Variants in JMY observed in about 807,000 individuals in gnomAD.
JMY encodes the protein junction-mediating and -regulatory protein.
Under a neutral mutation model 103.3 loss-of-function variants are expected in JMY, and 46 were observed. That is an observed-to-expected ratio of 0.45 (90% CI 0.35 to 0.57). The LOEUF (loss-of-function observed/expected upper bound fraction) is 0.57, where lower values mean the gene tolerates loss of function less well. JMY is among the 20% of genes least tolerant of loss of function. The pLI is 0.00. For synonymous variants in JMY, 526 were observed against 489.3 expected (o/e 1.07, Z -0.99); for missense variants, 1,238 against 1,255.2 (o/e 0.99, Z 0.21).
At chr5:79,281,163 G>C (rs1746096493) in intron 2 of JMY, among the ~76,000 whole-genome samples, 2 of 151,570 alleles carry the variant, frequency 1.3e-5, no homozygotes, top group Admixed American at 6.6e-5. Context: ...TCCTGCCTCA[G>C]CTTCCCGAGT....
intron 2 of JMY, among the ~76,000 whole-genome samples, chr5:79,278,523 A>G (rs1191558269): frequency 1.4e-5 from 2 of 145,826 alleles, no homozygotes; most frequent in African/African-American, 2.5e-5. Context: ...ATGCTGAGGC[A>G]AGAGGATCAC....
intron 2 of JMY, among the ~76,000 whole-genome samples, chr5:79,278,478 G>C (rs79601427): frequency 1.3e-5 from 2 of 150,604 alleles, no homozygotes; most frequent in Non-Finnish European, 2.9e-5. Context: ...CAGGCTGAGC[G>C]TGGTGCCTCA....
chr5:79,285,006 C>T (rs1460157733), intron 2 of JMY: 2 of 857,778 alleles, frequency 2.3e-6, no homozygotes, highest in East Asian at 5.3e-5. Context: ...TTTTTAAATC[C>T]AGTGTCTTTA....
intron 9 of JMY, 67 bp from the exon 10 acceptor site, chr5:79,315,933 G>A: frequency 7.2e-7 from 1 of 1,380,388 alleles, no homozygotes; most frequent in Non-Finnish European, 1.0e-6. Context: ...AACGGTAGAG[G>A]TTATACAGTT....
intron 1 of JMY, among the ~76,000 whole-genome samples, chr5:79,252,869 T>A (rs1745130680): frequency 6.6e-6 from 1 of 152,244 alleles, no homozygotes; most frequent in South Asian, 2.1e-4. Flanking sequence ...TGTTTTTTAA[T>A]CCATTCAGTC....
intron 2 of JMY, among the ~76,000 whole-genome samples, chr5:79,283,909 G>A (rs1211379152): frequency 6.6e-6 from 1 of 152,098 alleles, no homozygotes; most frequent in Non-Finnish European, 1.5e-5. Flanking sequence ...ATTGACTGCA[G>A]TATTAAATCT....
chr5:79,270,318 T>C lies in JMY; in HGVS notation c.1033-7592T>C, dbSNP rs548435021. 5.3e-3 allele frequency among the ~76,000 whole-genome samples: 760 copies of C among 144,172 alleles called. 10 individuals are homozygous for C. Among genetic ancestry groups the C allele is most frequent in the African/African-American group, 0.019 (724 of 39,078 alleles). 94.6% of individuals were successfully genotyped at this position (144,172 alleles called of 152,430 possible). A position where few individuals can be genotyped will look rare whatever the true frequency, so the allele number is the denominator to read the frequency against. On this transcript the variant is annotated intron_variant, in intron 1 of 10. Transcript: ENST00000396137. ...TATTTACATAAATATTTAAAATATA[T>C]ATTTACATAAATATTTAAAATATAT...
At chr5:79,242,992 G>C (rs1356977377) in intron 1 of JMY, among the ~76,000 whole-genome samples, 3 of 152,152 alleles carry the variant, frequency 2.0e-5, no homozygotes, top group Non-Finnish European at 4.4e-5. Context: ...ATTATGACAA[G>C]CATGAGGTAG....
intron 1 of JMY, among the ~76,000 whole-genome samples, chr5:79,275,657 C>T (rs1357825822): frequency 2.0e-5 from 3 of 152,092 alleles, no homozygotes; most frequent in African/African-American, 4.8e-5. Context: ...TTTTGCCCCA[C>T]GGTTTGTTGT....
At chr5:79,306,039 G>A (rs112855736) in intron 6 of JMY, among the ~76,000 whole-genome samples, 1,683 of 152,226 alleles carry the variant, frequency 0.011, 34 homozygotes, top group African/African-American at 0.038. Flanking sequence ...TCAGAAAAAA[G>A]TATAATGAGA....
At chr5:79,262,028 T>G (rs1745439312) in intron 1 of JMY, among the ~76,000 whole-genome samples, 1 of 152,222 alleles carries the variant, frequency 6.6e-6, no homozygotes, top group East Asian at 1.9e-4. Flanking sequence ...AGCTTTACTT[T>G]CCAGGCCCCT....
At chr5:79,284,488 T>C in intron 2 of JMY, 1 of 1,586,876 alleles carries the variant, frequency 6.3e-7, no homozygotes, top group East Asian at 2.2e-5. Context: ...GATTGTTGCG[T>C]TTTTTAGTAA....
chr5:79,236,190 G>C lies in JMY; in HGVS notation c.-461G>C, dbSNP rs1437163693. The C allele has an allele frequency of 6.5e-6, 1 of 153,754 alleles. No individual in the cohort carries two copies. The highest frequency in any genetic ancestry group is 1.4e-5 in the Non-Finnish European group (1 of 69,484). The allele number at this position is 153,754 out of a possible 1,614,324, so 9.5% of individuals were successfully genotyped here. ...CAGAGTTTAGGAGACGGGTTCATCA[G>C]TCAGGCCGGCTCCGGGCTTTCTGCA... is the stretch of plus-strand genomic sequence containing the variant. On this transcript the variant is annotated 5_prime_UTR_variant, in exon 1 of 11. Transcript: ENST00000396137.
chr5:79,272,359 A>G (rs1349593835), intron 1 of JMY, among the ~76,000 whole-genome samples: 2 of 152,108 alleles, frequency 1.3e-5, no homozygotes, highest in East Asian at 1.9e-4. Flanking sequence ...TATATTTCAT[A>G]TAATTCTTGA....
intron 4 of JMY, among the ~76,000 whole-genome samples, chr5:79,297,017 T>A (rs192220632): frequency 3.5e-4 from 54 of 152,344 alleles, no homozygotes; most frequent in Admixed American, 9.8e-4. Context: ...CCTTACTAGA[T>A]TTGCTGTAAA....
At position 79,324,282 on chromosome 5, in the gene JMY, A is replaced by G. The variant is rs1000494877; in HGVS notation, c.*2680A>G. 1 of 152,130 alleles carries G rather than the reference A, an allele frequency of 6.6e-6. No homozygotes were observed. The highest frequency in any genetic ancestry group is 2.4e-5 in the African/African-American group (1 of 41,430). The allele number at this position is 152,130 out of a possible 1,614,324, so 9.4% of individuals were successfully genotyped here. On this transcript the variant is annotated 3_prime_UTR_variant, in exon 11 of 11. Coordinates refer to ENST00000396137, the MANE Select transcript of JMY (RefSeq NM_152405.5). ...TTCGGCCTTGATACTAAATATGTGT[A>G]TATTTAGTTATGATGGTACTTGTAG...
intron 1 of JMY, among the ~76,000 whole-genome samples, chr5:79,245,422 A>G (rs1415047801): frequency 4.1e-5 from 6 of 145,830 alleles, no homozygotes; most frequent in Non-Finnish European, 6.1e-5. Flanking sequence ...TGCTTCATGG[A>G]AAAAAAAAAA....
chr5:79,271,812 T>C (rs1745792337), intron 1 of JMY, among the ~76,000 whole-genome samples: 1 of 152,144 alleles, frequency 6.6e-6, no homozygotes, highest in Admixed American at 6.5e-5. Flanking sequence ...CTTTCGTGTT[T>C]ATAAAATGTT....
At chr5:79,276,760 C>T (rs1021237490) in intron 1 of JMY, among the ~76,000 whole-genome samples, 1 of 152,106 alleles carries the variant, frequency 6.6e-6, no homozygotes, top group African/African-American at 2.4e-5. Context: ...GTGCACGCCA[C>T]TACACCCAGC....
Sources: allele counts gnomAD v4.1 joint callset (sites outside exome capture counted in the v4.1 genomes callset), GRCh38; gene constraint gnomAD v4.1.1; transcripts MANE v1.5; gene names NCBI Gene and HGNC (gene_info 2026-07-23, HGNC 2026-07-21).